The following SUPT3H variants were observed in gnomAD, a reference collection of about 807,000 sequenced individuals.
SUPT3H encodes transcription initiation protein SPT3 homolog.
A neutral mutation model predicts 44.3 loss-of-function variants in SUPT3H; 44 were observed. The observed-to-expected ratio is 0.99, with a 90% CI of 0.78 to 1.28. SUPT3H has a LOEUF of 1.28. SUPT3H is among the 50% of genes most tolerant of loss of function. The probability of loss-of-function intolerance (pLI) is 0.00; values close to 1 mark genes in which losing one functional copy is unlikely to be tolerated. For missense variants in SUPT3H, 380 were observed against 387.1 expected (o/e 0.98, Z 0.15); for synonymous variants, 124 against 125.6 (o/e 0.99, Z 0.09).
chr6:45,221,003 G>C (rs1765949880), intron 2 of SUPT3H, among the ~76,000 whole-genome samples: 1 of 152,152 alleles, frequency 6.6e-6, no homozygotes, highest in Non-Finnish European at 1.5e-5. Context: ...ACTGGATTAA[G>C]AAAATATGGC....
intron 7 of SUPT3H, among the ~76,000 whole-genome samples, chr6:44,960,575 T>A (rs1775887966): frequency 6.6e-6 from 1 of 152,086 alleles, no homozygotes; most frequent in Non-Finnish European, 1.5e-5. Flanking sequence ...GTCTGTTCCT[T>A]TAAGTGAATT....
At chr6:45,157,544 T>C (rs1808034138) in intron 2 of SUPT3H, among the ~76,000 whole-genome samples, 1 of 151,326 alleles carries the variant, frequency 6.6e-6, no homozygotes, top group Admixed American at 6.6e-5. Context: ...TATAAATATA[T>C]ATATACATAT....
At chr6:44,881,611 A>G (rs145327401) in intron 10 of SUPT3H, among the ~76,000 whole-genome samples, 2 of 152,308 alleles carry the variant, frequency 1.3e-5, no homozygotes, top group Non-Finnish European at 2.9e-5. Flanking sequence ...CATTGCACTT[A>G]TTCTAAAATT....
At chr6:45,271,306 G>A (rs1172367869) in intron 2 of SUPT3H, among the ~76,000 whole-genome samples, 2 of 152,192 alleles carry the variant, frequency 1.3e-5, no homozygotes, top group African/African-American at 2.4e-5. Flanking sequence ...TGCCATTACA[G>A]TTCCAGAGGC....
At chr6:44,948,918 G>A (rs1448991434) in intron 9 of SUPT3H, among the ~76,000 whole-genome samples, 1 of 152,116 alleles carries the variant, frequency 6.6e-6, no homozygotes, top group Non-Finnish European at 1.5e-5. Flanking sequence ...TATAAATTAT[G>A]TTGCTATAAA....
At position 45,133,633 on chromosome 6, in the gene SUPT3H, G is replaced by A. The variant is rs116539082; in HGVS notation, c.102-27627C>T. On this transcript the variant is annotated intron_variant, in intron 2 of 10. Coordinates refer to ENST00000371459, the MANE Select transcript of SUPT3H (RefSeq NM_003599.4). ...AAAATCTGAGATGTGATTATTCATG[G>A]AACTACTGAATTTTGGGTAAAACAG... 9.1e-3 allele frequency among the ~76,000 whole-genome samples: 1,386 copies of A among 152,236 alleles called. 11 individuals are homozygous for A. The highest frequency in any genetic ancestry group is 0.013 in the Non-Finnish European group (918 of 68,016).
At chr6:45,214,034 A>AAC (rs1196707578) in intron 2 of SUPT3H, among the ~76,000 whole-genome samples, 1 of 150,702 alleles carries the variant, frequency 6.6e-6, no homozygotes, top group Non-Finnish European at 1.5e-5. Flanking sequence ...AAAAAAAAAA[A>AAC]ACAAGTCAAT....
intron 7 of SUPT3H, among the ~76,000 whole-genome samples, chr6:44,959,610 T>G (rs568460070): frequency 6.6e-6 from 1 of 152,232 alleles, no homozygotes; most frequent in East Asian, 1.9e-4. Flanking sequence ...GAGCTTTGTG[T>G]GTCAATATTA....
chr6:45,296,500 AG>A (rs1458373339), intron 2 of SUPT3H, among the ~76,000 whole-genome samples: 1 of 152,016 alleles, frequency 6.6e-6, no homozygotes, highest in Non-Finnish European at 1.5e-5. Flanking sequence ...GCACTTTGGG[AG>A]GGCAAGGTGG....
intron 2 of SUPT3H, among the ~76,000 whole-genome samples, chr6:45,107,189 C>T (rs1036229011): frequency 2.0e-5 from 3 of 152,110 alleles, no homozygotes; most frequent in Non-Finnish European, 4.4e-5. Flanking sequence ...TTAAAGTATG[C>T]TTTAACCAGC....
chr6:45,180,008 CT>C (rs1245162184), intron 2 of SUPT3H, among the ~76,000 whole-genome samples: 2 of 152,132 alleles, frequency 1.3e-5, no homozygotes, highest in East Asian at 3.9e-4. Flanking sequence ...TGATAAGCAA[CT>C]TCAGCAAAGT....
At chr6:44,990,333 T>G (rs536178884) in intron 6 of SUPT3H, among the ~76,000 whole-genome samples, 1 of 152,144 alleles carries the variant, frequency 6.6e-6, no homozygotes, top group African/African-American at 2.4e-5. Context: ...TCCATTGGTC[T>G]CTGTGTCTGT....
chr6:45,272,890 C>T (rs966538052), intron 2 of SUPT3H, among the ~76,000 whole-genome samples: 1 of 152,218 alleles, frequency 6.6e-6, no homozygotes, highest in Non-Finnish European at 1.5e-5. Flanking sequence ...CTGCTCTTGA[C>T]CAGTCTGCTT....
intron 10 of SUPT3H, among the ~76,000 whole-genome samples, chr6:44,877,968 C>G (rs900277370): frequency 2.6e-5 from 4 of 152,152 alleles, no homozygotes; most frequent in Non-Finnish European, 5.9e-5. Context: ...CTTAGTATGT[C>G]TAAAAGGAAT....
intron 3 of SUPT3H, among the ~76,000 whole-genome samples, chr6:45,104,559 T>C (rs769190890): frequency 1.3e-5 from 2 of 152,094 alleles, no homozygotes; most frequent in Non-Finnish European, 2.9e-5. Context: ...AGTTTGAACA[T>C]GGATTTCTTT....
chr6:44,951,235 G>GT (rs74728368), intron 9 of SUPT3H, among the ~76,000 whole-genome samples: 26,275 of 136,598 alleles, frequency 0.19, 3,858 homozygotes, highest in African/African-American at 0.42. Flanking sequence ...ACTAGAGAAG[G>GT]TTTTTTTTTT....
At chr6:45,345,492 C>A (rs115029289) in intron 2 of SUPT3H, among the ~76,000 whole-genome samples, 1 of 152,090 alleles carries the variant, frequency 6.6e-6, no homozygotes, top group Non-Finnish European at 1.5e-5. Flanking sequence ...GATAAACCAA[C>A]GCTCAAACCT....
chr6:45,376,341 G>A (rs1166549785), intron 1 of SUPT3H, among the ~76,000 whole-genome samples: 1 of 152,218 alleles, frequency 6.6e-6, no homozygotes, highest in Non-Finnish European at 1.5e-5. Context: ...TCAAGACTCG[G>A]AAGGACTCTC....
At chr6:44,847,975 T>TC (rs1772179165) in intron 10 of SUPT3H, among the ~76,000 whole-genome samples, 1 of 140,316 alleles carries the variant, frequency 7.1e-6, no homozygotes, top group South Asian at 2.4e-4. Flanking sequence ...TTTTTTTTTT[T>TC]TTTTTTTTTG....
Sources: allele counts gnomAD v4.1 joint callset (sites outside exome capture counted in the v4.1 genomes callset), GRCh38; gene constraint gnomAD v4.1.1; transcripts MANE v1.5; gene names NCBI Gene and HGNC (gene_info 2026-07-23, HGNC 2026-07-21).